The following DLGAP2 variants were observed in gnomAD, a reference collection of about 807,000 sequenced individuals.
The protein encoded by DLGAP2 is disks large-associated protein 2.
DLGAP2 carries 26 observed loss-of-function variants against 100.3 expected under a neutral mutation model. The ratio of observed to expected loss-of-function variants is 0.26; its 90% CI spans 0.19 to 0.36. The LOEUF is 0.36. DLGAP2 is among the 10% of genes least tolerant of loss of function. DLGAP2 has a pLI of 1.00. For missense variants in DLGAP2, 1,858 were observed against 1,453.2 expected (o/e 1.28, Z -4.53); for synonymous variants, 886 against 630.1 (o/e 1.41, Z -6.08).
chr8:1,241,427 T>C (rs1798794628), intron 2 of DLGAP2, among the ~76,000 whole-genome samples: 1 of 152,372 alleles, frequency 6.6e-6, no homozygotes, highest in Admixed American at 6.5e-5. Context: ...TCTCACATAG[T>C]GCTGTGTCTG....
At chr8:1,282,643 AGC>A (rs1799840427) in intron 3 of DLGAP2, among the ~76,000 whole-genome samples, 1 of 125,434 alleles carries the variant, frequency 8.0e-6, no homozygotes, top group African/African-American at 3.1e-5. Context: ...ACCTGAACCC[AGC>A]GCATGAACCA....
chr8:1,094,342 G>A (rs561750991), intron 2 of DLGAP2, among the ~76,000 whole-genome samples: 27 of 152,326 alleles, frequency 1.8e-4, no homozygotes, highest in African/African-American at 5.5e-4. Flanking sequence ...ATCCACTAAC[G>A]GAGTTAGAAA....
At chr8:851,460 A>T (rs1436725164) in intron 1 of DLGAP2, among the ~76,000 whole-genome samples, 1 of 152,198 alleles carries the variant, frequency 6.6e-6, no homozygotes, top group African/African-American at 2.4e-5. Flanking sequence ...GCTACTAGGT[A>T]ATTTAAAATA....
intron 6 of DLGAP2, among the ~76,000 whole-genome samples, chr8:1,619,205 A>G (rs556976359): frequency 4.6e-5 from 7 of 152,378 alleles, no homozygotes; most frequent in South Asian, 2.1e-4. Context: ...TTACTTTGCA[A>G]AAGAAGATAC....
chr8:1,373,922 C>G (rs982389728), intron 3 of DLGAP2: 1 of 152,416 alleles, frequency 6.6e-6, no homozygotes, highest in Non-Finnish European at 1.5e-5. Context: ...CGGGCATTCT[C>G]TGTTTGAAAA....
chr8:890,026 G>A (rs937035450), intron 1 of DLGAP2, among the ~76,000 whole-genome samples: 2 of 151,972 alleles, frequency 1.3e-5, no homozygotes, highest in African/African-American at 2.4e-5. Context: ...TGTGTTTCTC[G>A]GGTGGCCCCC....
At chr8:1,218,047 G>A (rs1374070542) in intron 2 of DLGAP2, among the ~76,000 whole-genome samples, 1 of 152,152 alleles carries the variant, frequency 6.6e-6, no homozygotes, top group Non-Finnish European at 1.5e-5. Flanking sequence ...TCTATAAGTT[G>A]TCTGTTTGCT....
chr8:1,036,607 G>T (rs1365720981), intron 2 of DLGAP2, among the ~76,000 whole-genome samples: 1 of 152,132 alleles, frequency 6.6e-6, no homozygotes, highest in East Asian at 1.9e-4. Flanking sequence ...GGTTATAAGG[G>T]GAGGCCTGGC....
At chr8:1,128,741 A>T (rs1796226560) in intron 2 of DLGAP2, among the ~76,000 whole-genome samples, 1 of 152,254 alleles carries the variant, frequency 6.6e-6, no homozygotes, top group Admixed American at 6.5e-5. Context: ...ATATTGAAGC[A>T]TAGAACTTAG....
chr8:1,274,978 G>C (rs936745266), intron 3 of DLGAP2, among the ~76,000 whole-genome samples: 2 of 152,052 alleles, frequency 1.3e-5, no homozygotes, highest in African/African-American at 2.4e-5. Context: ...TGCTGTGTCC[G>C]CAGTCCCAGC....
chr8:1,448,821 C>G (rs1304320706), intron 3 of DLGAP2, among the ~76,000 whole-genome samples: 2 of 152,194 alleles, frequency 1.3e-5, no homozygotes, highest in Non-Finnish European at 2.9e-5. Context: ...TTGCCCTGAT[C>G]CGGCCATGGA....
intron 1 of DLGAP2, among the ~76,000 whole-genome samples, chr8:904,063 A>G (rs2128998023): frequency 6.6e-6 from 1 of 152,192 alleles, no homozygotes; most frequent in Non-Finnish European, 1.5e-5. Flanking sequence ...GGTGTCGGGA[A>G]CCCTAGCTGG....
At chr8:1,365,007 C>G (rs937309945) in intron 3 of DLGAP2, among the ~76,000 whole-genome samples, 2 of 152,174 alleles carry the variant, frequency 1.3e-5, no homozygotes, top group African/African-American at 4.8e-5. Context: ...GAACCGGGCC[C>G]TCAGAGACAC....
chr8:1,081,972 G>T (rs1803826592), intron 2 of DLGAP2, among the ~76,000 whole-genome samples: 1 of 152,066 alleles, frequency 6.6e-6, no homozygotes, highest in African/African-American at 2.4e-5. Flanking sequence ...AAATCAGAAG[G>T]GGAGATCTCC....
At chr8:1,367,098 C>A (rs1383208127) in intron 3 of DLGAP2, among the ~76,000 whole-genome samples, 1 of 152,196 alleles carries the variant, frequency 6.6e-6, no homozygotes, top group African/African-American at 2.4e-5. Flanking sequence ...ACCTTTCCAA[C>A]ACACATGCAC....
intron 2 of DLGAP2, among the ~76,000 whole-genome samples, chr8:926,075 C>T (rs557171833): frequency 2.0e-5 from 3 of 152,268 alleles, no homozygotes; most frequent in Admixed American, 1.3e-4. Context: ...CGTGTTCTGA[C>T]GCTTTCATGT....
intron 1 of DLGAP2, among the ~76,000 whole-genome samples, chr8:900,917 GAGA>G (rs1169737366): frequency 1.3e-5 from 2 of 152,204 alleles, no homozygotes; most frequent in Non-Finnish European, 2.9e-5. Context: ...GAAGAGAACA[GAGA>G]AGAAGTATTT....
At chr8:1,544,803 G>A (rs1312305980) in intron 4 of DLGAP2, among the ~76,000 whole-genome samples, 1 of 151,442 alleles carries the variant, frequency 6.6e-6, no homozygotes, top group Non-Finnish European at 1.5e-5. Flanking sequence ...TGTAATCTTG[G>A]CTCATTGCAA....
In DLGAP2 at chr8:976,565, T is replaced by C. The variant is rs182923044; in HGVS notation, c.73+68599T>C. Among the ~76,000 whole-genome samples the C allele has an allele frequency of 3.7e-4, 57 of 152,160 alleles. No homozygotes were observed. In the East Asian group the frequency reaches 0.011, roughly 28 times the overall value. On this transcript the variant is annotated intron_variant, in intron 2 of 14. Transcript: ENST00000637795. ...AGGTGGAGCTTGCAGTGAGGCGAGA[T>C]TGCGCCACTGCTCTCCAGCCTGGGC...
Sources: gnomAD v4.1 joint callset for allele counts (sites outside exome capture counted in the v4.1 genomes callset) on GRCh38, gnomAD v4.1.1 for gene constraint, MANE v1.5 for transcripts, NCBI Gene and HGNC (gene_info 2026-07-23, HGNC 2026-07-21) for gene names.